The following PDSS2 variants were observed in gnomAD, a reference collection of about 807,000 sequenced individuals.
The protein encoded by PDSS2 is decaprenyl diphosphate synthase subunit 2.
In PDSS2, 31 loss-of-function variants were observed where a neutral mutation model predicts 44.5. The ratio of observed to expected loss-of-function variants is 0.70; its 90% CI spans 0.52 to 0.94. PDSS2 has a LOEUF of 0.94. PDSS2 is among the 40% of genes least tolerant of loss of function. PDSS2 has a pLI of 0.00. For synonymous variants in PDSS2, 157 were observed against 180.3 expected (o/e 0.87, Z 1.03); for missense variants, 452 against 482.2 (o/e 0.94, Z 0.59).
At chr6:107,165,552 G>A (rs1305847641) in intron 7 of PDSS2, among the ~76,000 whole-genome samples, 2 of 152,174 alleles carry the variant, frequency 1.3e-5, no homozygotes, top group Non-Finnish European at 2.9e-5. Context: ...GTACCATGCT[G>A]TTTTGGTTAC....
At chr6:107,219,358 G>T (rs1163807573) in intron 4 of PDSS2, among the ~76,000 whole-genome samples, 5 of 152,074 alleles carry the variant, frequency 3.3e-5, no homozygotes, top group Non-Finnish European at 7.4e-5. Flanking sequence ...CGCAATCTCG[G>T]CTCACTGCAA....
chr6:107,313,715 G>A (rs1448242420), intron 2 of PDSS2, among the ~76,000 whole-genome samples: 1 of 152,044 alleles, frequency 6.6e-6, no homozygotes, highest in Non-Finnish European at 1.5e-5. Context: ...ATTTCTTCCA[G>A]CCTAAATATT....
chr6:107,157,813 G>T (rs1770960985), intron 7 of PDSS2, among the ~76,000 whole-genome samples: 1 of 152,046 alleles, frequency 6.6e-6, no homozygotes, highest in East Asian at 1.9e-4. Context: ...TGGGATTACA[G>T]GCACCCGCCA....
intron 7 of PDSS2, among the ~76,000 whole-genome samples, chr6:107,172,033 T>A (rs1306161584): frequency 2.0e-5 from 3 of 152,112 alleles, no homozygotes. Context: ...TATAATTAAA[T>A]CTCTAATTAA....
chr6:107,459,272 T>C lies in PDSS2; in HGVS notation c.14A>G (p.Gln5Arg). 1 of 1,614,044 alleles carries C rather than the reference T, an allele frequency of 6.2e-7. No individual in the cohort carries two copies. The highest frequency in any genetic ancestry group is 8.5e-7 in the Non-Finnish European group (1 of 1,180,002). Reference protein sequence around the residue: MNFRQLLLHLPRYLG... With the variant: MNFRRLLLHLPRYLG... The stretch of plus-strand genomic sequence containing the variant: ...ATAACGTGGCAAGTGCAACAGCAGC[T>C]GCCGAAAGTTCATGGTTTGAGTCTG... The change falls in exon 1 of 8, where the codon CAG (glutamine) becomes CGG (arginine). Residue 5 changes from glutamine (Q) to arginine (R), a missense_variant. Transcript: ENST00000369037. The surrounding 1 kb of genome is among the most constrained non-coding windows in gnomAD (Gnocchi z 4.3).
chr6:107,393,250 G>C (rs551942405), intron 1 of PDSS2, among the ~76,000 whole-genome samples: 1 of 151,634 alleles, frequency 6.6e-6, no homozygotes, highest in Non-Finnish European at 1.5e-5. Context: ...ATAAAATTTC[G>C]TATTTTACCC....
At chr6:107,429,901 A>AAAAATAT (rs1166637352) in intron 1 of PDSS2, among the ~76,000 whole-genome samples, 70 of 31,772 alleles carry the variant, frequency 2.2e-3, no homozygotes, top group African/African-American at 6.9e-3. Context: ...AAAAAAAAAA[A>AAAAATAT]ATATATATAT....
At chr6:107,429,444 G>A (rs1781101829) in intron 1 of PDSS2, among the ~76,000 whole-genome samples, 1 of 152,104 alleles carries the variant, frequency 6.6e-6, no homozygotes, top group Non-Finnish European at 1.5e-5. Flanking sequence ...CAAAGAGGCA[G>A]GTATCTTGCT....
At chr6:107,158,191 T>C (rs1326236268) in intron 7 of PDSS2, among the ~76,000 whole-genome samples, 5 of 150,760 alleles carry the variant, frequency 3.3e-5, no homozygotes, top group African/African-American at 7.3e-5. Context: ...TCTTTCTTTT[T>C]TTTTTTTTTT....
intron 2 of PDSS2, among the ~76,000 whole-genome samples, chr6:107,277,223 C>T (rs1206392567): frequency 6.6e-6 from 1 of 152,140 alleles, no homozygotes. Context: ...TGAGCGGGGC[C>T]TGGAAAGGCA....
chr6:107,395,377 C>T (rs1021694746), intron 1 of PDSS2, among the ~76,000 whole-genome samples: 8 of 152,010 alleles, frequency 5.3e-5, no homozygotes, highest in Non-Finnish European at 7.4e-5. Context: ...CTTTATTTTT[C>T]TGTGCCCACC....
chr6:107,170,440 C>T (rs186676683), intron 7 of PDSS2, among the ~76,000 whole-genome samples: 115 of 152,282 alleles, frequency 7.6e-4, no homozygotes, highest in South Asian at 3.7e-3. Context: ...GAGGCAATGC[C>T]GCACCCTGCT....
At chr6:107,453,367 T>C (rs1194880542) in intron 1 of PDSS2, among the ~76,000 whole-genome samples, 3 of 152,232 alleles carry the variant, frequency 2.0e-5, no homozygotes, top group African/African-American at 4.8e-5. Context: ...CCATTTTACA[T>C]TGATTTTTAA....
chr6:107,183,878 G>A (rs902136518), intron 7 of PDSS2, among the ~76,000 whole-genome samples: 6 of 148,548 alleles, frequency 4.0e-5, no homozygotes, highest in African/African-American at 9.9e-5. Context: ...CTGGGCAACA[G>A]AGTGAGACTC....
At chr6:107,343,830 T>G (rs1210515807) in intron 1 of PDSS2, among the ~76,000 whole-genome samples, 1 of 152,188 alleles carries the variant, frequency 6.6e-6, no homozygotes, top group African/African-American at 2.4e-5. Context: ...CTTGAAATAG[T>G]GTTTAAAAAT....
chr6:107,211,345 CCATT>C (rs757366936), intron 5 of PDSS2, among the ~76,000 whole-genome samples: 6 of 151,908 alleles, frequency 3.9e-5, no homozygotes, highest in Admixed American at 1.3e-4. Flanking sequence ...TTTCATATGC[CCATT>C]CAAAGAATTA....
intron 6 of PDSS2, among the ~76,000 whole-genome samples, chr6:107,208,778 C>A (rs954747636): frequency 6.6e-6 from 1 of 152,034 alleles, no homozygotes; most frequent in African/African-American, 2.4e-5. Flanking sequence ...CCAGGCTGGT[C>A]TCGAACTCCT....
intron 2 of PDSS2, among the ~76,000 whole-genome samples, chr6:107,325,718 T>C (rs557107285): frequency 2.0e-5 from 3 of 152,330 alleles, no homozygotes; most frequent in South Asian, 4.1e-4. Context: ...GCTAACTACC[T>C]GTTCATGTCT....
chr6:107,326,610 G>C (rs1365881968), intron 2 of PDSS2, among the ~76,000 whole-genome samples: 1 of 151,814 alleles, frequency 6.6e-6, no homozygotes, highest in Non-Finnish European at 1.5e-5. Context: ...CCAGCACTTT[G>C]GGAGGCCAAG....
Sources: allele counts gnomAD v4.1 joint callset (sites outside exome capture counted in the v4.1 genomes callset), GRCh38; gene constraint gnomAD v4.1.1; non-coding constraint Gnocchi (gnomAD v3.1); transcripts MANE v1.5; gene names NCBI Gene and HGNC (gene_info 2026-07-23, HGNC 2026-07-21).